Variants in ALK observed in about 807,000 individuals in gnomAD.
ALK encodes the protein ALK tyrosine kinase receptor.
A neutral mutation model predicts 163.1 loss-of-function variants in ALK; 74 were observed. The observed-to-expected ratio is 0.45, with a 90% CI of 0.38 to 0.55. The LOEUF is 0.55. Among genes scored for constraint, ALK ranks in the 20% least tolerant of loss-of-function variants. The pLI is 0.00. For missense variants in ALK, 2,063 were observed against 2,105.3 expected (o/e 0.98, Z 0.39); for synonymous variants, 960 against 843.2 (o/e 1.14, Z -2.40).
At chr2:29,790,275 T>C (rs1049388048) in intron 1 of ALK, among the ~76,000 whole-genome samples, 1 of 152,114 alleles carries the variant, frequency 6.6e-6, no homozygotes, top group Non-Finnish European at 1.5e-5. Context: ...GAGTGGAAAG[T>C]AGATTAAAGC....
chr2:29,416,647 C>A (rs1161540663), intron 4 of ALK, among the ~76,000 whole-genome samples: 1 of 152,018 alleles, frequency 6.6e-6, no homozygotes, highest in Non-Finnish European at 1.5e-5. Context: ...GAAAGAATAC[C>A]CAGGATATTA....
At position 29,920,381 on chromosome 2, in the gene ALK, C is replaced by T. The variant is rs1186319001; in HGVS notation, c.279G>A (p.Leu93=). 7 of 1,562,994 alleles carry T rather than the reference C, an allele frequency of 4.5e-6. No homozygotes were observed. In the South Asian group the frequency reaches 4.7e-5, roughly 10 times the overall value. The part of the protein sequence containing the change: ...GRPEARGSLA[L]DCAPLLRLLG... ...GCAACCTGAGCAGCGGGGCGCAGTC[C>T]AGAGCTAGCGAGCCGCGGGCCTCGG... The change falls in exon 1 of 29, where the codon CTG becomes CTA. Residue 93 remains leucine (L), a synonymous_variant. Transcript: ENST00000389048.
intron 3 of ALK, among the ~76,000 whole-genome samples, chr2:29,583,649 TAGA>T (rs1238879503): frequency 6.6e-6 from 1 of 152,108 alleles, no homozygotes; most frequent in Non-Finnish European, 1.5e-5. Context: ...GAGAACTATC[TAGA>T]AGGACAGTCC....
chr2:29,391,885 C>T (rs953480906), intron 4 of ALK, among the ~76,000 whole-genome samples: 4 of 152,290 alleles, frequency 2.6e-5, no homozygotes, highest in African/African-American at 9.6e-5. Flanking sequence ...AGGCCAGCTA[C>T]CTAACCTAAC....
chr2:29,655,548 C>CTGAG (rs1198925197), intron 3 of ALK, among the ~76,000 whole-genome samples: 2 of 152,146 alleles, frequency 1.3e-5, no homozygotes. Context: ...TTATTCTGAG[C>CTGAG]TGAGTCCAGG....
intron 2 of ALK, among the ~76,000 whole-genome samples, chr2:29,705,418 C>G (rs2631967): frequency 1 from 150,669 of 151,392 alleles, 74,981 homozygotes; most frequent in Middle Eastern, 1. Context: ...GTGTCTTCCT[C>G]TGCCTCAGAT....
At chr2:29,331,711 C>T (rs149767965) in intron 5 of ALK, among the ~76,000 whole-genome samples, 13 of 152,184 alleles carry the variant, frequency 8.5e-5, no homozygotes, top group Non-Finnish European at 1.8e-4. Flanking sequence ...TCCCAGGAGT[C>T]GAGAGCACCC....
intron 1 of ALK, among the ~76,000 whole-genome samples, chr2:29,861,753 G>A (rs1181655043): frequency 6.6e-6 from 1 of 152,098 alleles, no homozygotes; most frequent in East Asian, 1.9e-4. Context: ...ATAAATTGAA[G>A]AGGAAGGAAT....
chr2:29,495,564 A>G (rs1672003627), intron 4 of ALK, among the ~76,000 whole-genome samples: 1 of 152,156 alleles, frequency 6.6e-6, no homozygotes, highest in Non-Finnish European at 1.5e-5. Context: ...CTTTGTAAAG[A>G]ATCTCCCTGA....
At chr2:29,905,697 G>A (rs1435650055) in intron 1 of ALK, among the ~76,000 whole-genome samples, 2 of 152,096 alleles carry the variant, frequency 1.3e-5, no homozygotes, top group African/African-American at 2.4e-5. Context: ...GCCAGCCACA[G>A]TGAAGCATTC....
rs564687313 is a variant in ALK at position 29,735,723 on chromosome 2, C to A, written c.668-18026G>T. On this transcript the variant is annotated intron_variant, in intron 1 of 28. Transcript: ENST00000389048. ...GATAGCGAGTGAATTCTTGTGAGATCTGATGGTTTTATAAGGAGCTTTTCC... is the reference window on the plus strand; with the variant it reads ...GATAGCGAGTGAATTCTTGTGAGATATGATGGTTTTATAAGGAGCTTTTCC... Among the ~76,000 whole-genome samples, 4 of 152,144 alleles carry A rather than the reference C, an allele frequency of 2.6e-5. No individual in the cohort carries two copies. The South Asian group carries it at 8.3e-4, about 31-fold the overall frequency.
At chr2:29,393,061 A>G (rs1379805654) in intron 4 of ALK, among the ~76,000 whole-genome samples, 11 of 144,850 alleles carry the variant, frequency 7.6e-5, no homozygotes, top group Admixed American at 5.6e-4. Context: ...CAAGGTTACT[A>G]AGTGTTCAAG....
At chr2:29,419,105 G>C (rs527961249) in intron 4 of ALK, among the ~76,000 whole-genome samples, 1 of 151,190 alleles carries the variant, frequency 6.6e-6, no homozygotes, top group South Asian at 2.1e-4. Flanking sequence ...CCCAGGCTTG[G>C]GTGCAGTAGT....
chr2:29,288,315 G>A (rs1020739130), intron 9 of ALK, among the ~76,000 whole-genome samples: 7 of 152,148 alleles, frequency 4.6e-5, no homozygotes, highest in East Asian at 3.9e-4. Flanking sequence ...GAGGCCTGGG[G>A]CCTCGTCTTG....
chr2:29,359,101 A>AT (rs1334314985), intron 5 of ALK, among the ~76,000 whole-genome samples: 1 of 73,476 alleles, frequency 1.4e-5, no homozygotes, highest in Non-Finnish European at 2.9e-5. Flanking sequence ...TGCTATGGTA[A>AT]TTAAAAAAAA....
chr2:29,771,659 C>T (rs555257119), intron 1 of ALK, among the ~76,000 whole-genome samples: 11 of 152,182 alleles, frequency 7.2e-5, no homozygotes, highest in Admixed American at 3.3e-4. Flanking sequence ...CTCAGCCTCC[C>T]GAGTAGCTGG....
intron 4 of ALK, among the ~76,000 whole-genome samples, chr2:29,392,712 A>C (rs767106361): frequency 1.3e-5 from 2 of 152,224 alleles, no homozygotes; most frequent in Non-Finnish European, 2.9e-5. Context: ...GGGGAGGAGT[A>C]GGAGTAGACT....
intron 3 of ALK, among the ~76,000 whole-genome samples, chr2:29,535,780 A>T (rs530300240): frequency 3.9e-5 from 6 of 152,302 alleles, no homozygotes; most frequent in African/African-American, 9.6e-5. Context: ...ACTGTCAGTA[A>T]TTCTATCTGC....
chr2:29,249,326 G>A (rs1383165020), intron 12 of ALK, among the ~76,000 whole-genome samples: 2 of 152,166 alleles, frequency 1.3e-5, no homozygotes, highest in African/African-American at 2.4e-5. Flanking sequence ...GCCTCCCAGC[G>A]CCTCTGCTTT....
Sources: gnomAD v4.1 joint callset for allele counts (sites outside exome capture counted in the v4.1 genomes callset) on GRCh38, gnomAD v4.1.1 for gene constraint, MANE v1.5 for transcripts, NCBI Gene and HGNC (gene_info 2026-07-23, HGNC 2026-07-21) for gene names.